C13orf42: variants seen among roughly 807,000 people sequenced by gnomAD.
C13orf42 encodes the protein chromosome 13 open reading frame 42.
chr13:51,150,401 A>G (rs1434917712), intron 1 of C13orf42, among the ~76,000 whole-genome samples: 2 of 152,218 alleles, frequency 1.3e-5, no homozygotes, highest in Non-Finnish European at 2.9e-5. Context: ...GAACAGGTTC[A>G]ATGTAGTCCC....
chr13:51,098,118 G>C (rs1439667197), intron 1 of C13orf42, among the ~76,000 whole-genome samples: 2 of 152,060 alleles, frequency 1.3e-5, no homozygotes, highest in Non-Finnish European at 2.9e-5. Flanking sequence ...CTTGAGGGCA[G>C]TTTCTAATTT....
intron 1 of C13orf42, among the ~76,000 whole-genome samples, chr13:51,141,381 CTCTATGAATCTA>C (rs1391480835): frequency 6.6e-6 from 1 of 151,806 alleles, no homozygotes; most frequent in Non-Finnish European, 1.5e-5. Flanking sequence ...AAGTGGGGGA[CTCTATGAATCTA>C]TAAAATGTAC....
intron 1 of C13orf42, among the ~76,000 whole-genome samples, chr13:51,166,245 T>C (rs1593559986): frequency 6.6e-6 from 1 of 152,148 alleles, no homozygotes; most frequent in African/African-American, 2.4e-5. Context: ...ATATACACCA[T>C]GGAATACTAT....
intron 1 of C13orf42, among the ~76,000 whole-genome samples, chr13:51,168,426 A>C (rs762000818): frequency 1.1e-4 from 17 of 152,208 alleles, no homozygotes; most frequent in Non-Finnish European, 1.9e-4. Context: ...CCTCCTTTGC[A>C]ACATGGCGTT....
At chr13:51,171,639 G>C (rs61958506) in intron 1 of C13orf42, among the ~76,000 whole-genome samples, 18,295 of 151,970 alleles carry the variant, frequency 0.12, 1,393 homozygotes, top group Non-Finnish European at 0.18. Flanking sequence ...CTCACACCTG[G>C]TCGGGCTTAC....
upstream of C13orf42, among the ~76,000 whole-genome samples, chr13:51,111,787 G>C (rs764795112): frequency 2.6e-5 from 4 of 152,108 alleles, no homozygotes; most frequent in African/African-American, 9.7e-5. Context: ...GATGGGCCAG[G>C]GTGGACACAC....
intron 1 of C13orf42, among the ~76,000 whole-genome samples, chr13:51,132,620 AAAG>A (rs1397159237): frequency 1.3e-5 from 2 of 152,108 alleles, no homozygotes; most frequent in African/African-American, 4.8e-5. Flanking sequence ...TACTCAGCCC[AAAG>A]AAGTAACAGA....
rs201262264 is a variant in C13orf42, at chr13:51,151,193, G to A, written n.136+21060C>T. Among the ~76,000 whole-genome samples, 5 of 152,328 alleles carry A rather than the reference G, an allele frequency of 3.3e-5. No homozygotes were observed. The East Asian group carries it at 9.6e-4, about 29-fold the overall frequency. ...TACACCACATGGTAAAGGGAATTAA[G>A]GCTGCTAATCAGGTTAAGATGGGGG... is the stretch of plus-strand genomic sequence containing the variant. On this transcript the variant is annotated intron_variant and non_coding_transcript_variant, in intron 1 of 4. Transcript: ENST00000433280.
At chr13:51,109,313 A>C (rs1005705092) in intron 1 of C13orf42, among the ~76,000 whole-genome samples, 7 of 152,194 alleles carry the variant, frequency 4.6e-5, no homozygotes, top group African/African-American at 1.7e-4. Flanking sequence ...ACATTAATGG[A>C]GTTTGCACGG....
In C13orf42 at chr13:51,140,759, G is replaced by A. The variant is rs141740905; in HGVS notation, n.137-27537C>T. ...GAGGTCACTCCTTTATGGAGTTTGA[G>A]CTTGCTTCCAACAGGGAAGATGAAG... is the stretch of plus-strand genomic sequence containing the variant. On this transcript the variant is annotated intron_variant and non_coding_transcript_variant, in intron 1 of 4. Coordinates refer to the C13orf42 transcript ENST00000433280. 1.1e-4 allele frequency among the ~76,000 whole-genome samples: 17 copies of A among 152,214 alleles called. No individual in the cohort carries two copies. In the East Asian group the frequency reaches 3.3e-3, roughly 29 times the overall value.
chr13:51,118,125 A>G (rs1034593851), intron 1 of C13orf42, among the ~76,000 whole-genome samples: 5 of 152,190 alleles, frequency 3.3e-5, no homozygotes, highest in African/African-American at 1.2e-4. Flanking sequence ...TTCTGTTGCT[A>G]TAGCAGCTCT....
intron 1 of C13orf42, among the ~76,000 whole-genome samples, chr13:51,157,272 A>G (rs1261429447): frequency 2.6e-5 from 4 of 152,068 alleles, no homozygotes; most frequent in Non-Finnish European, 5.9e-5. Flanking sequence ...CATCCCTACT[A>G]AAAATACAAA....
intron 1 of C13orf42, among the ~76,000 whole-genome samples, chr13:51,105,133 G>C (rs1953338482): frequency 6.6e-6 from 1 of 152,196 alleles, no homozygotes; most frequent in Non-Finnish European, 1.5e-5. Flanking sequence ...AAGGGTGTGT[G>C]ATGTATCCAT....
chr13:51,115,211 G>A (rs148633521), upstream of C13orf42, among the ~76,000 whole-genome samples: 29 of 152,210 alleles, frequency 1.9e-4, no homozygotes, highest in Non-Finnish European at 4.0e-4. Flanking sequence ...CTTTCATCCT[G>A]CAATATTTGT....
chr13:51,133,727 C>T (rs1002787707), intron 1 of C13orf42, among the ~76,000 whole-genome samples: 1 of 152,158 alleles, frequency 6.6e-6, no homozygotes, highest in Non-Finnish European at 1.5e-5. Context: ...GTCTGATGCA[C>T]ATGGGCCTCC....
intron 1 of C13orf42, 138 bp from the exon 2 acceptor site, chr13:51,088,213 G>A (rs1953150298): frequency 2.5e-6 from 1 of 394,476 alleles, no homozygotes; most frequent in African/African-American, 2.1e-5. Context: ...ATGAATAAGT[G>A]CCCTGTGGAA....
chr13:51,125,157 G>A (rs1214701215), intron 1 of C13orf42, among the ~76,000 whole-genome samples: 2 of 152,136 alleles, frequency 1.3e-5, no homozygotes, highest in Non-Finnish European at 2.9e-5. Flanking sequence ...GCTGGGCGAA[G>A]GTGCCAGTCT....
intron 1 of C13orf42, among the ~76,000 whole-genome samples, chr13:51,132,125 ATTG>A (rs922503292): frequency 6.6e-6 from 1 of 152,198 alleles, no homozygotes; most frequent in African/African-American, 2.4e-5. Flanking sequence ...TGTGGAATAT[ATTG>A]TTGTACTCTT....
chr13:51,086,260 T>C lies in C13orf42; in HGVS notation c.563-701A>G, dbSNP rs1489328041. ...AGGCAGAGCTTGCAGTGAGCTGAGATCGTGCCACTGCACACAGCCTGGGCG... is the reference window on the plus strand; with the variant it reads ...AGGCAGAGCTTGCAGTGAGCTGAGACCGTGCCACTGCACACAGCCTGGGCG... On this transcript the variant is annotated intron_variant, in intron 2 of 3. Coordinates refer to ENST00000563710, the MANE Select transcript of C13orf42 (RefSeq NM_001351589.3). 1.1e-4 allele frequency among the ~76,000 whole-genome samples: 17 copies of C among 148,420 alleles called. 1 individual carries two copies. The East Asian group carries it at 3.4e-3, about 29-fold the overall frequency.
Sources: allele counts gnomAD v4.1 joint callset (sites outside exome capture counted in the v4.1 genomes callset), GRCh38; gene constraint gnomAD v4.1.1; transcripts MANE v1.5; gene names NCBI Gene and HGNC (gene_info 2026-07-23, HGNC 2026-07-21).